The following ZNF536 variants were observed in gnomAD, a reference collection of about 807,000 sequenced individuals.
The protein encoded by ZNF536 is zinc finger protein 536.
In ZNF536, 13 loss-of-function variants were observed where a neutral mutation model predicts 84.5. The observed-to-expected ratio is 0.15, with a 90% CI of 0.10 to 0.24. The LOEUF (loss-of-function observed/expected upper bound fraction) is 0.24. ZNF536 is among the 10% of genes least tolerant of loss of function. The pLI, the probability that ZNF536 is intolerant of heterozygous loss-of-function variation, is 1.00. For synonymous variants in ZNF536, 811 were observed against 742.5 expected, an observed-to-expected ratio of 1.09 and a Z score of -1.50; for missense variants, 1,536 against 1,747.5, an observed-to-expected ratio of 0.88 and a Z score of 2.16.
chr19:30,507,652 T>A (rs57121048), intron 2 of ZNF536, among the ~76,000 whole-genome samples: 152 of 152,078 alleles, frequency 1.0e-3, no homozygotes, highest in African/African-American at 3.6e-3. Context: ...AAAAGGGAAA[T>A]GAAACATTAT....
At chr19:30,594,149 C>T (rs1218975218) in intron 1 of ZNF536, among the ~76,000 whole-genome samples, 1 of 152,212 alleles carries the variant, frequency 6.6e-6, no homozygotes, top group African/African-American at 2.4e-5. Flanking sequence ...AATCAATAGG[C>T]GTTCAATCCT....
chr19:30,484,322 G>A (rs1407306813), intron 2 of ZNF536, among the ~76,000 whole-genome samples: 1 of 148,980 alleles, frequency 6.7e-6, no homozygotes, highest in African/African-American at 2.5e-5. Context: ...TGCCTCCTAG[G>A]TTCAAGTGAT....
At chr19:30,650,365 T>C (rs1267720557) in intron 1 of ZNF536, among the ~76,000 whole-genome samples, 1 of 152,216 alleles carries the variant, frequency 6.6e-6, no homozygotes, top group Non-Finnish European at 1.5e-5. Flanking sequence ...CATGACGGTT[T>C]TCCTAAACTT....
intron 1 of ZNF536, among the ~76,000 whole-genome samples, chr19:30,626,805 G>A (rs1021512815): frequency 6.6e-6 from 1 of 152,210 alleles, no homozygotes. Flanking sequence ...GCGCCAGATA[G>A]GGATCCCGGC....
intron 2 of ZNF536, among the ~76,000 whole-genome samples, chr19:30,451,988 T>C (rs1212617111): frequency 1.3e-5 from 2 of 152,256 alleles, no homozygotes; most frequent in African/African-American, 2.4e-5. Context: ...GTGATTTCCA[T>C]TGACTCGAAT....
At chr19:30,295,532 C>G (rs1397247531) in intron 2 of ZNF536, among the ~76,000 whole-genome samples, 1 of 152,190 alleles carries the variant, frequency 6.6e-6, no homozygotes, top group African/African-American at 2.4e-5. Flanking sequence ...AATTTCCAGG[C>G]AATGCTGTTT....
chr19:30,687,868 C>T (rs951205855), intron 1 of ZNF536, among the ~76,000 whole-genome samples: 1 of 151,976 alleles, frequency 6.6e-6, no homozygotes, highest in Middle Eastern at 3.2e-3. Flanking sequence ...TTGCATGATT[C>T]TTGAACACAC....
intron 2 of ZNF536, among the ~76,000 whole-genome samples, chr19:30,513,995 T>C (rs995318570): frequency 6.6e-6 from 1 of 152,198 alleles, no homozygotes; most frequent in African/African-American, 2.4e-5. Flanking sequence ...CGAGAGCCCA[T>C]TGGCTTTCTG....
chr19:30,295,746 G>GA (rs2045976896), intron 2 of ZNF536, among the ~76,000 whole-genome samples: 2 of 152,136 alleles, frequency 1.3e-5, no homozygotes, highest in Non-Finnish European at 2.9e-5. Context: ...AATGTGGGTA[G>GA]AAAAAAATGT....
chr19:30,356,916 C>G (rs1312918893), intron 3 of ZNF536, among the ~76,000 whole-genome samples: 1 of 152,194 alleles, frequency 6.6e-6, no homozygotes, highest in Non-Finnish European at 1.5e-5. Context: ...GACCTCAGAG[C>G]CTGATCCCTT....
At chr19:30,693,042 G>T (rs1163984438) in intron 1 of ZNF536, among the ~76,000 whole-genome samples, 1 of 152,092 alleles carries the variant, frequency 6.6e-6, no homozygotes, top group African/African-American at 2.4e-5. Flanking sequence ...GAGAGAGAGA[G>T]AGAGAGAGTG....
At chr19:30,689,577 T>C (rs1356158064) in intron 1 of ZNF536, among the ~76,000 whole-genome samples, 1 of 152,192 alleles carries the variant, frequency 6.6e-6, no homozygotes, top group Non-Finnish European at 1.5e-5. Flanking sequence ...TCAGGAAATG[T>C]TATCAAAATG....
At chr19:30,227,699 G>T (rs2022694227), upstream of ZNF536, among the ~76,000 whole-genome samples, 1 of 151,694 alleles carries the variant, frequency 6.6e-6, no homozygotes, top group African/African-American at 2.4e-5. Flanking sequence ...GAGCGAGCGC[G>T]CGGTACGGCC....
chr19:30,666,515 C>T (rs1342900542), intron 1 of ZNF536, among the ~76,000 whole-genome samples: 1 of 152,038 alleles, frequency 6.6e-6, no homozygotes. Flanking sequence ...GGCCTCTGCA[C>T]AGAAGTGGAA....
intron 1 of ZNF536, among the ~76,000 whole-genome samples, chr19:30,384,416 G>C (rs1568378840): frequency 6.8e-6 from 1 of 146,764 alleles, no homozygotes; most frequent in Non-Finnish European, 1.5e-5. Flanking sequence ...ACCACAGGCT[G>C]TGTTAATGCT....
At chr19:30,649,206 G>A (rs1404263876) in intron 1 of ZNF536, among the ~76,000 whole-genome samples, 1 of 152,184 alleles carries the variant, frequency 6.6e-6, no homozygotes, top group African/African-American at 2.4e-5. Flanking sequence ...AGTCACAGGT[G>A]CTTCATAATA....
intron 2 of ZNF536, among the ~76,000 whole-genome samples, chr19:30,520,203 C>A (rs1214681715): frequency 6.6e-6 from 1 of 152,160 alleles, no homozygotes; most frequent in Admixed American, 6.5e-5. Context: ...TGAGAGGAAA[C>A]ATTTCTTAGA....
chr19:30,656,572 T>C (rs1192253377), intron 1 of ZNF536, among the ~76,000 whole-genome samples: 1 of 152,216 alleles, frequency 6.6e-6, no homozygotes, highest in Admixed American at 6.5e-5. Flanking sequence ...GGTTAGTTCC[T>C]CTGCAGCACA....
intron 2 of ZNF536, among the ~76,000 whole-genome samples, chr19:30,522,002 A>G (rs766815514): frequency 2.0e-5 from 3 of 152,066 alleles, no homozygotes; most frequent in Non-Finnish European, 4.4e-5. Context: ...CTGCCCTTCA[A>G]GCAGCATGGG....
Sources: allele counts gnomAD v4.1 joint callset (sites outside exome capture counted in the v4.1 genomes callset), GRCh38; gene constraint gnomAD v4.1.1; transcripts MANE v1.5; gene names NCBI Gene and HGNC (gene_info 2026-07-23, HGNC 2026-07-21).